The following NRXN3 variants were observed in gnomAD, a reference collection of about 807,000 sequenced individuals.
NRXN3 encodes the protein neurexin 3.
Under a neutral mutation model 137.6 loss-of-function variants are expected in NRXN3, and 32 were observed. That is an observed-to-expected ratio of 0.23 (90% CI 0.18 to 0.31). NRXN3 has a LOEUF of 0.31. Ranked by LOEUF, NRXN3 falls within the 10% of genes least tolerant of loss-of-function variation. NRXN3 has a pLI of 1.00. For synonymous variants in NRXN3, 798 were observed against 784.5 expected, an observed-to-expected ratio of 1.02 and a Z score of -0.29; for missense variants, 1,574 against 2,062.5, an observed-to-expected ratio of 0.76 and a Z score of 4.59.
At chr14:78,801,474 A>ATTT (rs1306229188) in intron 8 of NRXN3, among the ~76,000 whole-genome samples, 1 of 152,190 alleles carries the variant, frequency 6.6e-6, no homozygotes, top group African/African-American at 2.4e-5. Context: ...AGGAGAGAAA[A>ATTT]GAGCATGTGA....
chr14:78,586,118 C>G (rs544494302), intron 4 of NRXN3, among the ~76,000 whole-genome samples: 3 of 152,284 alleles, frequency 2.0e-5, no homozygotes, highest in African/African-American at 7.2e-5. Flanking sequence ...ATCTGCATTT[C>G]TTTATCTATT....
chr14:79,439,393 A>G (rs1216001882), intron 15 of NRXN3, among the ~76,000 whole-genome samples: 1 of 152,188 alleles, frequency 6.6e-6, no homozygotes, highest in Non-Finnish European at 1.5e-5. Context: ...AAAGTGGAAA[A>G]CAGTGTCATT....
At chr14:78,804,583 G>C (rs2098849663) in intron 9 of NRXN3, among the ~76,000 whole-genome samples, 1 of 152,070 alleles carries the variant, frequency 6.6e-6, no homozygotes, top group African/African-American at 2.4e-5. Context: ...TTTTACCTCA[G>C]AGTTGAAAAA....
rs1050979741 is a variant in NRXN3 at position 79,775,923 on chromosome 14, G to A, written c.4015-29189G>A. On this transcript the variant is annotated intron_variant, in intron 19 of 20. Coordinates refer to ENST00000335750, the MANE Select transcript of NRXN3 (RefSeq NM_001330195.2). ...CCTCACATAACTTGTCCTAGAACTG[G>A]TTGTGCTATGGCATCATTGTAGTCC... Among the ~76,000 whole-genome samples, 4 of 152,292 alleles carry A rather than the reference G, an allele frequency of 2.6e-5. No homozygotes were observed. The East Asian group carries it at 7.7e-4, about 29-fold the overall frequency.
At chr14:79,071,428 C>T (rs2099687590) in intron 15 of NRXN3, among the ~76,000 whole-genome samples, 1 of 152,156 alleles carries the variant, frequency 6.6e-6, no homozygotes, top group South Asian at 2.1e-4. Context: ...GTTCCCCTCC[C>T]TGTGTCCATG....
chr14:78,828,470 C>T lies in NRXN3; in HGVS notation c.2275+18126C>T, dbSNP rs1440700200. On this transcript the variant is annotated intron_variant, in intron 10 of 20. Coordinates refer to ENST00000335750, the MANE Select transcript of NRXN3 (RefSeq NM_001330195.2). ...ATATTTAGATTTAAAAGCCATATAG[C>T]CCTGTCACAACTACTCCATTGTGCT... Among the ~76,000 whole-genome samples, 3 of 152,162 alleles carry T rather than the reference C, an allele frequency of 2.0e-5. No individual in the cohort carries two copies. The East Asian group carries it at 5.8e-4, about 29-fold the overall frequency.
chr14:79,638,444 A>G (rs1486288268), intron 16 of NRXN3, among the ~76,000 whole-genome samples: 1 of 152,196 alleles, frequency 6.6e-6, no homozygotes, highest in Non-Finnish European at 1.5e-5. Context: ...TATGAGTAGA[A>G]CAGAGGAGAA....
At chr14:78,225,973 T>TGTG (rs1567012828) in intron 1 of NRXN3, among the ~76,000 whole-genome samples, 1 of 23,454 alleles carries the variant, frequency 4.3e-5, no homozygotes, top group South Asian at 1.2e-3. Flanking sequence ...GTGTGTGTGT[T>TGTG]GGTGTGTGTG....
chr14:79,154,373 A>G (rs1466264772), intron 15 of NRXN3, among the ~76,000 whole-genome samples: 3 of 151,972 alleles, frequency 2.0e-5, no homozygotes, highest in Non-Finnish European at 4.4e-5. Context: ...AGAGGAGACT[A>G]GTTTCACTGA....
chr14:78,495,141 G>A (rs960004457), intron 4 of NRXN3, among the ~76,000 whole-genome samples: 20 of 18,472 alleles, frequency 1.1e-3, no homozygotes, highest in South Asian at 6.5e-3. Context: ...GTGCGTGCGT[G>A]TGTGTGTGTG....
Position 78,239,120 on chromosome 14 carries a change from A to G in NRXN3, c.-703-3271A>G, listed in dbSNP as rs1209486990. ...AAATAATCCACAGGAACATTCTTCC[A>G]CTTCTGCTTTTACTGTTCATTCTAT... is the stretch of plus-strand genomic sequence containing the variant. On this transcript the variant is annotated intron_variant, in intron 1 of 20. Transcript: ENST00000335750. Among the ~76,000 whole-genome samples the G allele has an allele frequency of 2.0e-5, 3 of 152,320 alleles. No individual in the cohort carries two copies. In the East Asian group the frequency reaches 5.8e-4, roughly 29 times the overall value.
chr14:78,666,344 C>T (rs1236788281), intron 6 of NRXN3, among the ~76,000 whole-genome samples: 2 of 152,100 alleles, frequency 1.3e-5, no homozygotes, highest in African/African-American at 2.4e-5. Context: ...ATAAAAAATG[C>T]CTCTTTCCAG....
intron 4 of NRXN3, among the ~76,000 whole-genome samples, chr14:78,389,619 G>T (rs756572359): frequency 4.6e-5 from 7 of 151,952 alleles, no homozygotes; most frequent in Admixed American, 2.0e-4. Flanking sequence ...ATTTTGATGA[G>T]CTTTTAATTG....
At position 78,243,282 on chromosome 14, in the gene NRXN3, G is replaced by A; in HGVS notation, c.189G>A (p.Leu63=). ...TCAAGACCAACGTCTCTACGGGGCT[G>A]CTCCTCTACCTGGATGATGGCGGCG... is the stretch of plus-strand genomic sequence containing the variant. The part of the protein sequence containing the change: ...FQFKTNVSTG[L]LLYLDDGGVC... The change falls in exon 2 of 21, where the codon CTG becomes CTA. Residue 63 remains leucine, a synonymous_variant. Coordinates refer to ENST00000335750, the MANE Select transcript of NRXN3 (RefSeq NM_001330195.2). The surrounding 1 kb of genome is among the most constrained non-coding windows in gnomAD (Gnocchi z 4.2). 6.4e-7 allele frequency: 1 copy of A among 1,561,916 alleles called. No individual in the cohort carries two copies. Among genetic ancestry groups the A allele is most frequent in the Non-Finnish European group, 8.6e-7 (1 of 1,161,544 alleles).
chr14:78,634,245 G>A (rs571605062), intron 4 of NRXN3, among the ~76,000 whole-genome samples: 14 of 152,268 alleles, frequency 9.2e-5, no homozygotes, highest in South Asian at 4.2e-4. Context: ...TGATGCCAAC[G>A]CACGGAGCAG....
At chr14:79,646,367 C>T (rs1206959245) in intron 16 of NRXN3, among the ~76,000 whole-genome samples, 1 of 135,448 alleles carries the variant, frequency 7.4e-6, no homozygotes, top group African/African-American at 2.5e-5. Context: ...CACGGGCCTA[C>T]TGAAATATTA....
intron 15 of NRXN3, among the ~76,000 whole-genome samples, chr14:79,150,381 T>C (rs2059689612): frequency 6.6e-6 from 1 of 151,666 alleles, no homozygotes; most frequent in African/African-American, 2.4e-5. Flanking sequence ...TCACCAGCAG[T>C]AGAAAAGTAT....
At chr14:78,317,632 T>C (rs145784266) in intron 4 of NRXN3, among the ~76,000 whole-genome samples, 20 of 152,206 alleles carry the variant, frequency 1.3e-4, no homozygotes, top group Admixed American at 6.5e-5. Context: ...CTTGCCCACA[T>C]TGGGGAGGGC....
At chr14:79,432,128 T>TTTTC (rs1555445019) in intron 15 of NRXN3, among the ~76,000 whole-genome samples, 6 of 152,082 alleles carry the variant, frequency 3.9e-5, no homozygotes, top group Non-Finnish European at 5.9e-5. Flanking sequence ...CAATCATTTT[T>TTTTC]TTTAGTTTTG....
Sources: gnomAD v4.1 joint callset for allele counts (sites outside exome capture counted in the v4.1 genomes callset) on GRCh38, gnomAD v4.1.1 for gene constraint, Gnocchi (gnomAD v3.1) non-coding constraint, MANE v1.5 for transcripts, NCBI Gene and HGNC (gene_info 2026-07-23, HGNC 2026-07-21) for gene names.